The following KHDRBS2 variants were observed in gnomAD, a reference collection of about 807,000 sequenced individuals.
KHDRBS2 encodes the protein KH domain-containing, RNA-binding, signal transduction-associated protein 2.
A neutral mutation model predicts 44.3 loss-of-function variants in KHDRBS2; 26 were observed. The ratio of observed to expected loss-of-function variants is 0.59; its 90% confidence interval spans 0.43 to 0.81. The LOEUF is 0.81. KHDRBS2 is among the 40% of genes least tolerant of loss of function. KHDRBS2 has a pLI of 0.00. For missense variants in KHDRBS2, 476 were observed against 433.1 expected (o/e 1.10, Z -0.88); for synonymous variants, 194 against 151.1 (o/e 1.28, Z -2.08).
At chr6:62,005,579 A>G (rs1245542349) in intron 3 of KHDRBS2, among the ~76,000 whole-genome samples, 1 of 151,794 alleles carries the variant, frequency 6.6e-6, no homozygotes, top group Non-Finnish European at 1.5e-5. Flanking sequence ...GTCTTTAGGG[A>G]CCAAAAATCA....
At chr6:61,618,949 G>A in the KHDRBS2 span, among the ~76,000 whole-genome samples, 1 of 152,064 alleles carries the variant, frequency 6.6e-6, no homozygotes, top group Admixed American at 6.6e-5. Flanking sequence ...TAGAATGTAA[G>A]TGCTATGAGG....
At chr6:61,852,266 C>G (rs1447811231) in intron 6 of KHDRBS2, among the ~76,000 whole-genome samples, 2 of 148,944 alleles carry the variant, frequency 1.3e-5, no homozygotes, top group African/African-American at 5.0e-5. Context: ...ACCAGAAAAA[C>G]ATTGACTTTA....
rs146378781 is a variant in KHDRBS2, at chr6:62,247,586, C to G, written c.91+38272G>C. Reference sequence around the variant, plus strand: ...ATGTAGGCTTTTGAGGCCCAGCAAACTTGGATTCCAGACCTTCCTGCTCCA... The same window carrying G: ...ATGTAGGCTTTTGAGGCCCAGCAAAGTTGGATTCCAGACCTTCCTGCTCCA... On this transcript the variant is annotated intron_variant, in intron 1 of 8. Transcript: ENST00000281156. Among the ~76,000 whole-genome samples the G allele has an allele frequency of 2.5e-3, 380 of 151,964 alleles. 2 individuals are homozygous for G. Among genetic ancestry groups the G allele is most frequent in the African/African-American group, 8.4e-3 (348 of 41,486 alleles).
At chr6:61,555,742 G>T in the KHDRBS2 span, among the ~76,000 whole-genome samples, 3 of 152,162 alleles carry the variant, frequency 2.0e-5, no homozygotes, top group Non-Finnish European at 4.4e-5. Context: ...GCATAAGGTG[G>T]GTTCAGTTGA....
chr6:62,091,092 C>T (rs149818497), intron 2 of KHDRBS2, among the ~76,000 whole-genome samples: 28 of 152,226 alleles, frequency 1.8e-4, no homozygotes, highest in African/African-American at 6.3e-4. Flanking sequence ...AGCAAGAATA[C>T]TATCTGGGTG....
chr6:61,805,871 A>G (rs1787074951), intron 6 of KHDRBS2, among the ~76,000 whole-genome samples: 1 of 152,190 alleles, frequency 6.6e-6, no homozygotes, highest in Non-Finnish European at 1.5e-5. Context: ...TTTGGTACGG[A>G]CACAGAGCCA....
chr6:61,830,373 A>G (rs546257736), intron 6 of KHDRBS2, among the ~76,000 whole-genome samples: 1 of 152,310 alleles, frequency 6.6e-6, no homozygotes, highest in South Asian at 2.1e-4. Context: ...TCTGATACCT[A>G]TCTAAGTCTT....
the KHDRBS2 span, among the ~76,000 whole-genome samples, chr6:61,619,004 G>A: frequency 6.6e-6 from 1 of 152,164 alleles, no homozygotes; most frequent in East Asian, 1.9e-4. Flanking sequence ...TTCCTCAGCA[G>A]CACATTGAAC....
chr6:61,721,073 A>G (rs1338374972), intron 7 of KHDRBS2, among the ~76,000 whole-genome samples: 1 of 151,696 alleles, frequency 6.6e-6, no homozygotes, highest in Non-Finnish European at 1.5e-5. Context: ...AGGTTTGTCA[A>G]AGATCAGATA....
chr6:62,006,488 A>G (rs1779252182), intron 3 of KHDRBS2, among the ~76,000 whole-genome samples: 1 of 152,020 alleles, frequency 6.6e-6, no homozygotes, highest in Admixed American at 6.6e-5. Context: ...AGAAATTCAT[A>G]AGCACAGTGA....
chr6:61,699,633 A>G (rs1477292880), intron 7 of KHDRBS2, among the ~76,000 whole-genome samples: 1 of 152,030 alleles, frequency 6.6e-6, no homozygotes, highest in Non-Finnish European at 1.5e-5. Context: ...AAGCAATTCC[A>G]TAGGTCTCAT....
In KHDRBS2 at chr6:62,056,975, A is replaced by C. The variant is rs190355809; in HGVS notation, c.220-8981T>G. Among the ~76,000 whole-genome samples, 774 of 152,104 alleles carry C rather than the reference A, an allele frequency of 5.1e-3. 7 individuals are homozygous for C. Among genetic ancestry groups the C allele is most frequent in the African/African-American group, 0.018 (749 of 41,562 alleles). On this transcript the variant is annotated intron_variant, in intron 2 of 8. Transcript: ENST00000281156. ...AAATTGAAACCAAACTGTGAAGCTG[A>C]AAAAGAATCATGCCCTTAAATTCTT... is the stretch of plus-strand genomic sequence containing the variant.
the KHDRBS2 span, among the ~76,000 whole-genome samples, chr6:61,564,484 G>A: frequency 6.6e-6 from 1 of 152,016 alleles, no homozygotes; most frequent in African/African-American, 2.4e-5. Context: ...GTAAGTCATT[G>A]TTTGTCTATA....
chr6:62,178,476 C>A (rs879003628), intron 1 of KHDRBS2, among the ~76,000 whole-genome samples: 2 of 151,422 alleles, frequency 1.3e-5, no homozygotes, highest in African/African-American at 2.4e-5. Context: ...AGGAAGGCAG[C>A]CACATTGTAT....
intron 2 of KHDRBS2, among the ~76,000 whole-genome samples, chr6:62,061,293 AT>A (rs1791790789): frequency 6.6e-6 from 1 of 151,312 alleles, no homozygotes; most frequent in Non-Finnish European, 1.5e-5. Context: ...TTTCGGCATG[AT>A]TTTGCAGCGG....
intron 6 of KHDRBS2, among the ~76,000 whole-genome samples, chr6:61,860,389 A>G (rs533259325): frequency 2.0e-5 from 3 of 152,014 alleles, no homozygotes; most frequent in African/African-American, 7.2e-5. Flanking sequence ...GCCCCCCGAT[A>G]GCCTCCAGTG....
At chr6:62,060,160 C>T (rs1791408011) in intron 2 of KHDRBS2, among the ~76,000 whole-genome samples, 1 of 151,620 alleles carries the variant, frequency 6.6e-6, no homozygotes, top group Non-Finnish European at 1.5e-5. Flanking sequence ...ATTTGATAAA[C>T]AGAAAGTAAT....
At chr6:62,217,421 T>C (rs546641978) in intron 1 of KHDRBS2, among the ~76,000 whole-genome samples, 30 of 152,086 alleles carry the variant, frequency 2.0e-4, no homozygotes, top group Admixed American at 1.4e-3. Context: ...ATAATTTATT[T>C]AGCACTTACT....
At chr6:62,118,016 T>A (rs1806689824) in intron 2 of KHDRBS2, among the ~76,000 whole-genome samples, 1 of 152,202 alleles carries the variant, frequency 6.6e-6, no homozygotes, top group Non-Finnish European at 1.5e-5. Context: ...CCACAAGTGA[T>A]CTGCCCGCCT....
Sources: allele counts gnomAD v4.1 joint callset (sites outside exome capture counted in the v4.1 genomes callset), GRCh38; gene constraint gnomAD v4.1.1; transcripts MANE v1.5; gene names NCBI Gene and HGNC (gene_info 2026-07-23, HGNC 2026-07-21).